The following SLC4A4 variants were observed in gnomAD, a reference collection of about 807,000 sequenced individuals.
SLC4A4 encodes the protein electrogenic sodium bicarbonate cotransporter 1.
A neutral mutation model predicts 111.5 loss-of-function variants in SLC4A4; 27 were observed. The observed-to-expected ratio is 0.24, with a 90% CI of 0.18 to 0.33. The LOEUF is 0.33. Among genes scored for constraint, SLC4A4 ranks in the 10% least tolerant of loss-of-function variants. The pLI is 1.00. For synonymous variants in SLC4A4, 443 were observed against 463.4 expected, an observed-to-expected ratio of 0.96 and a Z score of 0.57; for missense variants, 909 against 1,315.5, an observed-to-expected ratio of 0.69 and a Z score of 4.78.
chr4:71,136,217 A>G (rs141174509), intron 2 of SLC4A4, among the ~76,000 whole-genome samples: 45 of 152,346 alleles, frequency 3.0e-4, no homozygotes, highest in African/African-American at 9.6e-4. Context: ...CTCTAGGGCT[A>G]GGGAACTCAA....
At chr4:71,140,938 T>A (rs1237829754) in intron 2 of SLC4A4, among the ~76,000 whole-genome samples, 1 of 152,232 alleles carries the variant, frequency 6.6e-6, no homozygotes, top group Admixed American at 6.5e-5. Flanking sequence ...AATTTATGAA[T>A]ATAATGTGGG....
intron 2 of SLC4A4, among the ~76,000 whole-genome samples, chr4:71,112,742 A>T (rs1743123203): frequency 6.6e-6 from 1 of 152,094 alleles, no homozygotes; most frequent in South Asian, 2.1e-4. Context: ...GGGACCTGGG[A>T]ATCTCTCTTT....
rs1163923242 is a variant in SLC4A4 at position 71,255,304 on chromosome 4, A to G, written c.158A>G (p.Glu53Gly). ...CACAAGAGAAAGACAGGGCACAAAG[A>G]AAAGAAGGAAAAGGAGAGAATCTCT... Reference protein sequence around the residue: ...RRHKRKTGHKEKKEKERISEN... With the variant: ...RRHKRKTGHKGKKEKERISEN... Residue 53 changes from glutamate (E) to glycine (G), a missense_variant, in exon 3 of 26, where the codon GAA becomes GGA. By Grantham distance (98) the Glu-to-Gly change is moderately conservative. This residue lies in a region of SLC4A4 where 117 missense variants were observed against 154.2 expected (regional missense o/e 0.76). Transcript: ENST00000264485. The G allele has an allele frequency of 1.2e-6, 2 of 1,613,566 alleles. No individual in the cohort carries two copies.
At chr4:71,383,978 C>G (rs1286505029) in intron 6 of SLC4A4, among the ~76,000 whole-genome samples, 2 of 152,134 alleles carry the variant, frequency 1.3e-5, no homozygotes, top group Admixed American at 1.3e-4. Context: ...AGCCAAATAT[C>G]TTCACCAATG....
chr4:71,467,573 G>T (rs1727490226), intron 13 of SLC4A4, among the ~76,000 whole-genome samples: 1 of 152,036 alleles, frequency 6.6e-6, no homozygotes, highest in Non-Finnish European at 1.5e-5. Flanking sequence ...CGGTGGGGCT[G>T]GGATATGAAT....
At chr4:71,480,470 G>C (rs1445907681) in intron 14 of SLC4A4, among the ~76,000 whole-genome samples, 2 of 151,364 alleles carry the variant, frequency 1.3e-5, no homozygotes, top group Non-Finnish European at 3.0e-5. Flanking sequence ...ACTTCTCTCA[G>C]TTTTCCTTTG....
In SLC4A4 at chr4:71,534,388, G is replaced by A. The variant is rs749796830; in HGVS notation, c.2442G>A (p.Lys814=). The A allele has an allele frequency of 3.1e-6, 5 of 1,613,094 alleles. No individual in the cohort carries two copies. In the Admixed American group the frequency reaches 6.7e-5, roughly 22 times the overall value. The part of the protein sequence containing the change: ...VIVNRKEHKL[K]KGAGYHLDLF... Reference sequence around the variant, plus strand: ...TAAACAGGAAAGAACATAAACTCAAGGTAAGTGTCCATAATAATGTCTGTC... The same window carrying A: ...TAAACAGGAAAGAACATAAACTCAAAGTAAGTGTCCATAATAATGTCTGTC... Residue 814 remains lysine (K), a splice_region_variant and synonymous_variant, in exon 18 of 26, where the codon AAG becomes AAA. Transcript: ENST00000264485.
intron 6 of SLC4A4, among the ~76,000 whole-genome samples, chr4:71,385,268 G>A (rs1243930361): frequency 1.6e-5 from 2 of 128,274 alleles, no homozygotes; most frequent in East Asian, 2.5e-4. Context: ...GCATGATCTC[G>A]GCTCACCACA....
chr4:71,363,197 A>G (rs570681221), intron 6 of SLC4A4, among the ~76,000 whole-genome samples: 8 of 152,362 alleles, frequency 5.3e-5, no homozygotes, highest in African/African-American at 1.9e-4. Context: ...TTTGCAATGC[A>G]GAACAAACAA....
At chr4:71,321,378 T>C (rs1036977156) in intron 3 of SLC4A4, among the ~76,000 whole-genome samples, 2 of 152,006 alleles carry the variant, frequency 1.3e-5, no homozygotes, top group Non-Finnish European at 2.9e-5. Context: ...TGTGTTTATA[T>C]TTAGACTCTT....
At chr4:71,403,780 A>T (rs142032566) in intron 7 of SLC4A4, among the ~76,000 whole-genome samples, 1 of 152,254 alleles carries the variant, frequency 6.6e-6, no homozygotes, top group South Asian at 2.1e-4. Flanking sequence ...TAGAGTTTGT[A>T]TGTTCTGATT....
chr4:71,286,227 G>A (rs1005862527), intron 3 of SLC4A4, among the ~76,000 whole-genome samples: 10 of 152,002 alleles, frequency 6.6e-5, no homozygotes, highest in African/African-American at 2.4e-4. Flanking sequence ...GTGACAGAGC[G>A]AGACTCCATC....
chr4:71,374,075 C>T (rs530788056), intron 6 of SLC4A4, among the ~76,000 whole-genome samples: 3 of 152,286 alleles, frequency 2.0e-5, no homozygotes, highest in East Asian at 3.9e-4. Flanking sequence ...CTTCTAGATT[C>T]CTGCTTTGTT....
intron 8 of SLC4A4, among the ~76,000 whole-genome samples, chr4:71,441,384 A>C (rs1300511326): frequency 6.6e-6 from 1 of 152,202 alleles, no homozygotes; most frequent in Non-Finnish European, 1.5e-5. Context: ...AGAGTTAGGA[A>C]GCTTGACCTG....
rs143020246 is a variant in SLC4A4 at position 71,409,483 on chromosome 4, T to C, written c.807+11830T>C. On this transcript the variant is annotated intron_variant, in intron 7 of 25. Coordinates refer to ENST00000264485, the MANE Select transcript of SLC4A4 (RefSeq NM_001098484.3). ...AGGCATTCTGCCCCTGCCCTAGAGA[T>C]ACGTGAAACTTTGAACTTGAGAGAG... Among the ~76,000 whole-genome samples the C allele has an allele frequency of 2.8e-3, 425 of 152,328 alleles. 2 individuals are homozygous for C. Among genetic ancestry groups the C allele is most frequent in the African/African-American group, 9.8e-3 (408 of 41,574 alleles).
chr4:71,072,886 A>G (rs1741706976), intron 1 of SLC4A4, among the ~76,000 whole-genome samples: 3 of 151,852 alleles, frequency 2.0e-5, no homozygotes. Flanking sequence ...TCCCACCTCA[A>G]TCTCCTGAGA....
rs574056617 is a variant in SLC4A4, at chr4:71,344,740, G to A, written c.390-5172G>A. ...CTAATGATTTCTTACATATTATTGA[G>A]ATGGCTAATGATTTCCTACACATTA... is the stretch of plus-strand genomic sequence containing the variant. On this transcript the variant is annotated intron_variant, in intron 4 of 25. Transcript: ENST00000264485. Among the ~76,000 whole-genome samples the A allele has an allele frequency of 4.6e-5, 7 of 152,180 alleles. No homozygotes were observed. The South Asian group carries it at 1.5e-3, about 32-fold the overall frequency.
chr4:71,146,466 G>A (rs531970003), intron 2 of SLC4A4, among the ~76,000 whole-genome samples: 13 of 152,116 alleles, frequency 8.5e-5, no homozygotes, highest in Admixed American at 1.3e-4. Context: ...CATTAGGTCC[G>A]CTTGGTGCAG....
intron 19 of SLC4A4, 122 bp downstream of exon 19, chr4:71,546,650 AT>A: frequency 2.2e-6 from 2 of 899,458 alleles, no homozygotes; most frequent in Non-Finnish European, 1.8e-6. Flanking sequence ...TTATTCCTAT[AT>A]TTTTTGTTCC....
Sources: gnomAD v4.1 joint callset for allele counts (sites outside exome capture counted in the v4.1 genomes callset) on GRCh38, gnomAD v4.1.1 for gene constraint, gnomAD v4.1.1 regional missense constraint, MANE v1.5 for transcripts, NCBI Gene and HGNC (gene_info 2026-07-23, HGNC 2026-07-21) for gene names.